The following NSUN6 variants were observed in gnomAD, a reference collection of about 807,000 sequenced individuals.
NSUN6 encodes the protein tRNA (cytosine(72)-C(5))-methyltransferase NSUN6.
Under a neutral mutation model 58.0 loss-of-function variants are expected in NSUN6, and 64 were observed. The ratio of observed to expected loss-of-function variants is 1.10; its 90% CI spans 0.90 to 1.36. The LOEUF (loss-of-function observed/expected upper bound fraction) is 1.36, where lower values mean the gene tolerates loss of function less well. Ranked by LOEUF, NSUN6 falls within the 40% of genes most tolerant of loss-of-function variation. The probability of loss-of-function intolerance (pLI) is 0.00; values close to 1 mark genes in which losing one functional copy is unlikely to be tolerated. For missense variants in NSUN6, 701 were observed against 550.1 expected (o/e 1.27, Z -2.74); for synonymous variants, 231 against 193.9 (o/e 1.19, Z -1.59).
intron 2 of NSUN6, among the ~76,000 whole-genome samples, chr10:18,644,158 T>G (rs2059470870): frequency 6.6e-6 from 1 of 152,218 alleles, no homozygotes; most frequent in Admixed American, 6.5e-5. Flanking sequence ...TCACTGGCAG[T>G]CAATCCCTGT....
At chr10:18,603,640 T>C (rs1228137078) in intron 6 of NSUN6, among the ~76,000 whole-genome samples, 2 of 151,692 alleles carry the variant, frequency 1.3e-5, no homozygotes, top group Non-Finnish European at 2.9e-5. Flanking sequence ...CAGCTGATTT[T>C]GTGTGTGTGT....
At chr10:18,648,346 CTT>C (rs2059608474) in intron 2 of NSUN6, 142 bp downstream of exon 2, 1 of 539,120 alleles carries the variant, frequency 1.9e-6, no homozygotes, top group South Asian at 3.1e-5. Flanking sequence ...CCTAGGATAA[CTT>C]TGAAGAATTT....
At chr10:18,568,733 C>T (rs940953102) in intron 8 of NSUN6, among the ~76,000 whole-genome samples, 32 of 151,230 alleles carry the variant, frequency 2.1e-4, no homozygotes, top group Admixed American at 1.2e-3. Context: ...TTTCATTCTC[C>T]ATTGCATTCC....
intron 8 of NSUN6, among the ~76,000 whole-genome samples, chr10:18,581,294 C>A (rs1185323240): frequency 1.3e-5 from 2 of 152,128 alleles, no homozygotes; most frequent in Non-Finnish European, 2.9e-5. Context: ...GTACAAGATA[C>A]AGGTCATAAA....
intron 8 of NSUN6, among the ~76,000 whole-genome samples, chr10:18,555,694 ACAGTG>A (rs1436558523): frequency 4.0e-5 from 6 of 150,542 alleles, no homozygotes; most frequent in African/African-American, 1.5e-4. Flanking sequence ...AATGGAATGG[ACAGTG>A]GAATGGAATG....
intron 8 of NSUN6, among the ~76,000 whole-genome samples, chr10:18,571,852 CCATTA>C (rs751022506): frequency 2.0e-5 from 3 of 151,438 alleles, no homozygotes; most frequent in African/African-American, 4.8e-5. Context: ...CCACGGCATT[CCATTA>C]CATTTTCCAT....
intron 3 of NSUN6, among the ~76,000 whole-genome samples, chr10:18,624,196 G>C (rs2058706221): frequency 6.6e-6 from 1 of 151,776 alleles, no homozygotes; most frequent in Non-Finnish European, 1.5e-5. Context: ...AGAAAATAAA[G>C]GACAATAAAA....
intron 6 of NSUN6, among the ~76,000 whole-genome samples, chr10:18,607,427 A>T (rs1481375287): frequency 6.6e-6 from 1 of 152,214 alleles, no homozygotes; most frequent in Admixed American, 6.5e-5. Flanking sequence ...TCTGGTCTGC[A>T]TTGAATTAAG....
chr10:18,562,787 T>TGGATAATGGAATGGAATGGAGTGGAGAAA (rs2055627160), intron 8 of NSUN6, among the ~76,000 whole-genome samples: 1 of 142,862 alleles, frequency 7.0e-6, no homozygotes, highest in Admixed American at 7.1e-5. Flanking sequence ...GATAATGGAA[T>TGGATAATGGAATGGAATGGAGTGGAGAAA]GGAATGGAGT....
chr10:18,645,537 C>G (rs188976746), intron 2 of NSUN6, among the ~76,000 whole-genome samples: 2 of 152,306 alleles, frequency 1.3e-5, no homozygotes, highest in Admixed American at 1.3e-4. Context: ...TTAATCCATA[C>G]TGTAGCATGT....
chr10:18,602,986 T>C (rs1007096813), intron 6 of NSUN6, among the ~76,000 whole-genome samples: 5 of 152,184 alleles, frequency 3.3e-5, no homozygotes, highest in Non-Finnish European at 5.9e-5. Flanking sequence ...TCCTAGCCTA[T>C]TAATGCTTTT....
At chr10:18,651,874 A>T, upstream of NSUN6, 1 of 985,352 alleles carries the variant, frequency 1.0e-6, no homozygotes. Flanking sequence ...AAACAGCCAA[A>T]TGGCGTGGGT....
rs548404510 is a variant in NSUN6, at chr10:18,568,644, T to G, written c.923-16673A>C. 2.0e-3 allele frequency among the ~76,000 whole-genome samples: 301 copies of G among 150,684 alleles called. 1 individual carries two copies. Among genetic ancestry groups the G allele is most frequent in the African/African-American group, 7.1e-3 (293 of 41,170 alleles). On this transcript the variant is annotated intron_variant, in intron 8 of 10. Transcript: ENST00000377304. Reference sequence around the variant, plus strand: ...CATTCTCCATTCCATTCCATTCTCTTTTCCATTCTATTCTCCATTCACTTC... The same window carrying G: ...CATTCTCCATTCCATTCCATTCTCTGTTCCATTCTATTCTCCATTCACTTC...
intron 3 of NSUN6, among the ~76,000 whole-genome samples, chr10:18,627,961 AG>A (rs1264448658): frequency 1.3e-5 from 2 of 152,390 alleles, no homozygotes; most frequent in East Asian, 3.9e-4. Flanking sequence ...GGCAGGGCAC[AG>A]ACAAACAAAT....
intron 7 of NSUN6, among the ~76,000 whole-genome samples, chr10:18,586,991 G>A (rs1181528641): frequency 2.0e-5 from 3 of 152,170 alleles, no homozygotes; most frequent in Non-Finnish European, 4.4e-5. Flanking sequence ...CTCGACCCAG[G>A]AAGTCCAGTT....
rs58356588 is a variant in NSUN6, at chr10:18,632,591, C to T, written c.311+9885G>A. On this transcript the variant is annotated intron_variant, in intron 3 of 10. Coordinates refer to ENST00000377304, the MANE Select transcript of NSUN6 (RefSeq NM_182543.5). ...ACAAACAACCCCATCAAAAAGTGGG[C>T]GAAGGACATGAACAGACACTTCTCA... 3.1e-3 allele frequency among the ~76,000 whole-genome samples: 468 copies of T among 151,826 alleles called. 6 individuals are homozygous for T. In the East Asian group the frequency reaches 0.042, roughly 14 times the overall value.
At chr10:18,617,643 A>G (rs763188154) in intron 3 of NSUN6, among the ~76,000 whole-genome samples, 37 of 152,024 alleles carry the variant, frequency 2.4e-4, no homozygotes, top group Non-Finnish European at 4.4e-4. Flanking sequence ...TCCTGTTTCC[A>G]ATCTTGAATG....
At chr10:18,569,618 CTCCAT>C (rs1013941606) in intron 8 of NSUN6, among the ~76,000 whole-genome samples, 2 of 150,960 alleles carry the variant, frequency 1.3e-5, no homozygotes, top group African/African-American at 4.9e-5. Context: ...CCTTACCAAC[CTCCAT>C]TCCATTACAT....
At chr10:18,552,176 G>C (rs1473498091) in intron 8 of NSUN6, among the ~76,000 whole-genome samples, 1 of 59,300 alleles carries the variant, frequency 1.7e-5, no homozygotes, top group Non-Finnish European at 3.3e-5. Flanking sequence ...TGTAGTTATA[G>C]TTGAAAAGTT....
Sources: allele counts gnomAD v4.1 joint callset (sites outside exome capture counted in the v4.1 genomes callset), GRCh38; gene constraint gnomAD v4.1.1; transcripts MANE v1.5; gene names NCBI Gene and HGNC (gene_info 2026-07-23, HGNC 2026-07-21).